The following KIF20B variants were observed in gnomAD, a reference collection of about 807,000 sequenced individuals.
KIF20B encodes kinesin-like protein KIF20B.
A neutral mutation model predicts 232.5 loss-of-function variants in KIF20B; 188 were observed. The ratio of observed to expected loss-of-function variants is 0.81; its 90% CI spans 0.72 to 0.91. KIF20B has a LOEUF of 0.91. Ranked by LOEUF, KIF20B falls within the 40% of genes least tolerant of loss-of-function variation. The pLI, the probability that KIF20B is intolerant of heterozygous loss-of-function variation, is 0.00. For synonymous variants in KIF20B, 712 were observed against 683.0 expected (o/e 1.04, Z -0.66); for missense variants, 2,154 against 2,055.9 (o/e 1.05, Z -0.92).
At chr10:89,721,821 A>G (rs2133102414) in intron 13 of KIF20B, among the ~76,000 whole-genome samples, 1 of 152,290 alleles carries the variant, frequency 6.6e-6, no homozygotes, top group Admixed American at 6.5e-5. Flanking sequence ...ATAAATGCTT[A>G]TCATATAAGA....
At chr10:89,704,018 T>G (rs1842670770) in intron 1 of KIF20B, among the ~76,000 whole-genome samples, 1 of 152,208 alleles carries the variant, frequency 6.6e-6, no homozygotes, top group Non-Finnish European at 1.5e-5. Flanking sequence ...CCCAAAGTGC[T>G]GGGATTACAG....
intron 23 of KIF20B, among the ~76,000 whole-genome samples, chr10:89,750,015 T>C (rs539490144): frequency 6.6e-6 from 1 of 152,312 alleles, no homozygotes; most frequent in Admixed American, 6.5e-5. Context: ...TCAGACTTCT[T>C]TACTTTGCTT....
chr10:89,709,389 G>T lies in KIF20B; in HGVS notation c.279G>T (p.Glu93Asp). 6.2e-7 allele frequency: 1 copy of T among 1,613,638 alleles called. No individual in the cohort carries two copies. Among genetic ancestry groups the T allele is most frequent in the Non-Finnish European group, 8.5e-7 (1 of 1,179,766 alleles). The change falls in exon 4 of 33, where the codon GAG becomes GAT. Residue 93 changes from glutamate to aspartate, a missense_variant. Transcript: ENST00000371728. ...ATTCACAGACTGTTGTGCTGAAAGA[G>T]CCTCAATGCATCCTTGGTCGGTTAA... The part of the protein sequence containing the change: ...ILDSQTVVLK[E>D]PQCILGRLSE...
rs555881456 is a variant in KIF20B at position 89,724,782 on chromosome 10, A to G, written c.1863-238A>G. On this transcript the variant is annotated intron_variant, in intron 14 of 32. Coordinates refer to ENST00000371728, the MANE Select transcript of KIF20B (RefSeq NM_001284259.2). ...CAGGCACACACCACCACGCCCAGCT[A>G]ATTTTTGTGTTTTTAGTAGAGACGG... Among the ~76,000 whole-genome samples the G allele has an allele frequency of 4.6e-5, 7 of 151,940 alleles. No individual in the cohort carries two copies. In the East Asian group the frequency reaches 1.4e-3, roughly 30 times the overall value.
Position 89,738,120 on chromosome 10 carries a change from A to G in KIF20B, c.3279A>G (p.Lys1093=), listed in dbSNP as rs374120873. 49 of 1,609,062 alleles carry G rather than the reference A, an allele frequency of 3.0e-5. No homozygotes were observed. The highest frequency in any genetic ancestry group is 7.7e-5 in the South Asian group (7 of 90,834). Residue 1093 remains lysine, a synonymous_variant, in exon 20 of 33, where the codon AAA becomes AAG. Transcript: ENST00000371728. ...QQIEKLQAEV[K]GYKDENNRLK... ...TTGAAAAATTGCAGGCAGAAGTAAAAGGCTATAAGGATGAAAACAATAGAC... is the reference window on the plus strand; with the variant it reads ...TTGAAAAATTGCAGGCAGAAGTAAAGGGCTATAAGGATGAAAACAATAGAC...
chr10:89,754,691 CTT>C lies in KIF20B; in HGVS notation c.4503+20_4503+21del. The C allele has an allele frequency of 1.3e-6, 2 of 1,481,984 alleles. No homozygotes were observed. Among genetic ancestry groups the C allele is most frequent in the Non-Finnish European group, 9.0e-7 (1 of 1,111,104 alleles). The allele number at this position is 1,481,984 out of a possible 1,614,324, so 91.8% of individuals were successfully genotyped here. A position where few individuals can be genotyped will look rare whatever the true frequency, so the allele number is the denominator to read the frequency against. ...ATGAAATGGTTAGTAACAATTGTAT[CTT>C]TGATGTATTTCACCTACTTTCCTTG... On this transcript the variant is annotated intron_variant, in intron 26 of 32. Transcript: ENST00000371728.
Position 89,719,659 on chromosome 10 carries a change from A to G in KIF20B, c.1675A>G (p.Lys559Glu), listed in dbSNP as rs941361816. Residue 559 changes from lysine (K) to glutamate (E), a missense_variant, in exon 13 of 33, where the codon AAA becomes GAA. Lys to Glu is a moderately conservative substitution (Grantham distance 56). Coordinates refer to ENST00000371728, the MANE Select transcript of KIF20B (RefSeq NM_001284259.2). The stretch of plus-strand genomic sequence containing the variant: ...TAAACTTCTTGATGAAGATCTAGAT[A>G]AAACATTAGAGGAAAATAAGGCTTT... The part of the protein sequence containing the change: ...ETKLLDEDLD[K>E]TLEENKAFIS... The G allele has an allele frequency of 1.2e-6, 2 of 1,611,128 alleles. No individual in the cohort carries two copies. The highest frequency in any genetic ancestry group is 1.7e-6 in the Non-Finnish European group (2 of 1,178,912).
intron 31 of KIF20B, among the ~76,000 whole-genome samples, chr10:89,770,510 C>T (rs759298736): frequency 1.6e-4 from 25 of 151,830 alleles, no homozygotes; most frequent in Non-Finnish European, 1.9e-4. Context: ...AGGTAGGTAC[C>T]TATAATAAGT....
chr10:89,752,763 A>G (rs772399765), intron 25 of KIF20B, 72 bp downstream of exon 25: 4 of 1,133,898 alleles, frequency 3.5e-6, no homozygotes, highest in Non-Finnish European at 4.7e-6. Flanking sequence ...AGGAGAATTC[A>G]GTATTTTATA....
In KIF20B at chr10:89,772,965, T is replaced by TGTTAA. The variant is rs1327443397; in HGVS notation, c.5385+138_5385+142dup. 7.5e-6 allele frequency: 5 copies of TGTTAA among 662,988 alleles called. No individual in the cohort carries two copies. The African/African-American group carries it at 9.3e-5, about 12-fold the overall frequency. 41.1% of individuals were successfully genotyped at this position (662,988 alleles called of 1,614,324 possible). On this transcript the variant is annotated intron_variant, in intron 32 of 32. Coordinates refer to ENST00000371728, the MANE Select transcript of KIF20B (RefSeq NM_001284259.2). Reference sequence around the variant, plus strand: ...AAGGTCATGCTTTTAGTCTCACATGTGTTAAGTTTATACTAATTAAATATA... The same window carrying TGTTAA: ...AAGGTCATGCTTTTAGTCTCACATGTGTTAAGTTAAGTTTATACTAATTAAATATA...
intron 26 of KIF20B, among the ~76,000 whole-genome samples, chr10:89,757,067 TATAC>T (rs1401079599): frequency 3.8e-5 from 5 of 132,062 alleles, no homozygotes; most frequent in African/African-American, 1.4e-4. Context: ...TATATATATA[TATAC>T]ACACATGACA....
rs150479855 is a variant in KIF20B, at chr10:89,768,144, C to G, written c.4990-146C>G. ...CAACCAAAAATATCTTCAAACATTGCCATTGTCCTCTGAGTTCAAAATTGC... is the reference window on the plus strand; with the variant it reads ...CAACCAAAAATATCTTCAAACATTGGCATTGTCCTCTGAGTTCAAAATTGC... On this transcript the variant is annotated intron_variant, in intron 29 of 32. Transcript: ENST00000371728. The G allele has an allele frequency of 4.7e-4, 284 of 600,884 alleles. 1 individual carries two copies. In the African/African-American group the frequency reaches 4.9e-3, roughly 10 times the overall value. The allele number at this position is 600,884 out of a possible 1,614,324, so 37.2% of individuals were successfully genotyped here.
Position 89,738,487 on chromosome 10 carries a change from A to T in KIF20B, c.3646A>T (p.Lys1216Ter). ...TCTTCAGGATTCTGTCAAAAACACC[A>T]AAGATTTAAATGTAAAGGAACTCAA... Reference protein sequence around the residue: ...EHLQDSVKNTKDLNVKELKLK... With the variant: ...EHLQDSVKNT The change falls in exon 20 of 33, where the codon AAA becomes TAA. Residue 1216 changes from lysine (K) to a stop codon, truncating the protein, a stop_gained. Transcript: ENST00000371728. LOFTEE classifies it high-confidence loss of function. 1.9e-6 allele frequency: 3 copies of T among 1,606,490 alleles called. No individual in the cohort carries two copies. The highest frequency in any genetic ancestry group is 2.5e-6 in the Non-Finnish European group (3 of 1,177,132).
intron 22 of KIF20B, among the ~76,000 whole-genome samples, chr10:89,744,363 C>G (rs1458275356): frequency 6.6e-6 from 1 of 152,146 alleles, no homozygotes; most frequent in Non-Finnish European, 1.5e-5. Flanking sequence ...GTTATACTTA[C>G]TGCTTCACCA....
chr10:89,745,861 GTTA>G, intron 22 of KIF20B, 35 bp from the exon 23 acceptor site: 1 of 1,358,586 alleles, frequency 7.4e-7, no homozygotes, highest in Non-Finnish European at 1.1e-6. Context: ...GTGTTTTTAA[GTTA>G]ATTTGCAATT....
chr10:89,718,038 G>A (rs1348099321), intron 11 of KIF20B, among the ~76,000 whole-genome samples: 1 of 152,142 alleles, frequency 6.6e-6, no homozygotes, highest in East Asian at 1.9e-4. Flanking sequence ...ATTGTGTGTG[G>A]TTCTAGATGC....
intron 14 of KIF20B, among the ~76,000 whole-genome samples, chr10:89,724,678 G>C (rs1054185360): frequency 2.6e-5 from 4 of 151,938 alleles, no homozygotes; most frequent in African/African-American, 4.8e-5. Context: ...CTTGGCTCAC[G>C]GCAACCTGCA....
At chr10:89,728,000 A>ATT in intron 17 of KIF20B, 104 bp downstream of exon 17, 1 of 1,056,216 alleles carries the variant, frequency 9.5e-7, no homozygotes. Flanking sequence ...AAACAGTAAT[A>ATT]TAGTCTCTTG....
chr10:89,734,179 G>T (rs921692863), intron 19 of KIF20B, among the ~76,000 whole-genome samples: 120 of 152,256 alleles, frequency 7.9e-4, no homozygotes, highest in African/African-American at 2.6e-3. Flanking sequence ...GGAGGCCGAG[G>T]TGGGTGGATT....
Sources: allele counts gnomAD v4.1 joint callset (sites outside exome capture counted in the v4.1 genomes callset), GRCh38; gene constraint gnomAD v4.1.1; transcripts MANE v1.5; gene names NCBI Gene and HGNC (gene_info 2026-07-23, HGNC 2026-07-21).